The following GAP43 variants were observed in gnomAD, a reference collection of about 807,000 sequenced individuals.
GAP43 encodes the protein neuromodulin.
Under a neutral mutation model 18.6 loss-of-function variants are expected in GAP43, and 6 were observed. The observed-to-expected ratio is 0.32, with a 90% CI of 0.18 to 0.64. GAP43 has a LOEUF of 0.64. Among genes scored for constraint, GAP43 ranks in the 30% least tolerant of loss-of-function variants. The probability of loss-of-function intolerance (pLI) is 0.78; values close to 1 mark genes in which losing one functional copy is unlikely to be tolerated. For synonymous variants in GAP43, 115 were observed against 111.4 expected (o/e 1.03, Z -0.20); for missense variants, 292 against 295.5 (o/e 0.99, Z 0.09).
At chr3:115,636,780 C>G (rs551527733) in intron 1 of GAP43, among the ~76,000 whole-genome samples, 2 of 152,178 alleles carry the variant, frequency 1.3e-5, no homozygotes, top group African/African-American at 4.8e-5. Context: ...CTTGTCTTAT[C>G]TCCTAGTGGC....
At chr3:115,645,206 A>T (rs1209974571) in intron 1 of GAP43, among the ~76,000 whole-genome samples, 1 of 152,010 alleles carries the variant, frequency 6.6e-6, no homozygotes, top group Non-Finnish European at 1.5e-5. Context: ...TATGAATCAG[A>T]TATGTCTATT....
At chr3:115,688,202 G>T (rs1346401613) in intron 2 of GAP43, among the ~76,000 whole-genome samples, 1 of 151,998 alleles carries the variant, frequency 6.6e-6, no homozygotes, top group Non-Finnish European at 1.5e-5. Flanking sequence ...ATTTTTGGTA[G>T]AGATGAGGTT....
At chr3:115,633,836 A>T (rs1708294998) in intron 1 of GAP43, among the ~76,000 whole-genome samples, 1 of 152,190 alleles carries the variant, frequency 6.6e-6, no homozygotes, top group African/African-American at 2.4e-5. Flanking sequence ...AGGTTGTAAG[A>T]TCTAGTTCCT....
In GAP43 at chr3:115,629,540, G is replaced by C. The variant is rs550608957; in HGVS notation, c.30+5821G>C. On this transcript the variant is annotated intron_variant, in intron 1 of 2. Transcript: ENST00000305124. ...ATTCCCACTTTCCCTGCAAGAGTTA[G>C]CTCTTTGAAGCCATTCTTAACCTTC... Among the ~76,000 whole-genome samples, 67 of 151,928 alleles carry C rather than the reference G, an allele frequency of 4.4e-4. 1 individual carries two copies. In the South Asian group the frequency reaches 0.013, roughly 30 times the overall value.
intron 2 of GAP43, among the ~76,000 whole-genome samples, chr3:115,693,521 G>A (rs1025564130): frequency 1.3e-5 from 2 of 152,048 alleles, no homozygotes; most frequent in African/African-American, 4.8e-5. Flanking sequence ...TTTTAACGGT[G>A]AGGAAAGCAC....
rs187423078 is a variant in GAP43, at chr3:115,686,652, A to G, written c.628+10042A>G. On this transcript the variant is annotated intron_variant, in intron 2 of 2. Coordinates refer to ENST00000305124, the MANE Select transcript of GAP43 (RefSeq NM_002045.4). ...CTCAAATCTTGGAACCCAAAATACT[A>G]AATTTTAGAATTTTCTTAAAACCTC... is the stretch of plus-strand genomic sequence containing the variant. Among the ~76,000 whole-genome samples, 18 of 152,330 alleles carry G rather than the reference A, an allele frequency of 1.2e-4. No individual in the cohort carries two copies. In the East Asian group the frequency reaches 3.5e-3, roughly 29 times the overall value.
rs1000859271 is a variant in GAP43, at chr3:115,644,861, G to C, written c.30+21142G>C. On this transcript the variant is annotated intron_variant, in intron 1 of 2. Transcript: ENST00000305124. The surrounding 1 kb of genome is among the most constrained non-coding windows in gnomAD (Gnocchi z 4.2). The stretch of plus-strand genomic sequence containing the variant: ...AATGCCCCTGGCATTCTCAAAGCTG[G>C]ATCATCAGAGGTTTCATTTCGGATA... Among the ~76,000 whole-genome samples the C allele has an allele frequency of 1.3e-4, 20 of 152,142 alleles. No individual in the cohort carries two copies. Among genetic ancestry groups the C allele is most frequent in the African/African-American group, 4.6e-4 (19 of 41,540 alleles).
At chr3:115,647,807 C>T (rs1343791420) in intron 1 of GAP43, among the ~76,000 whole-genome samples, 1 of 150,748 alleles carries the variant, frequency 6.6e-6, no homozygotes, top group Admixed American at 6.6e-5. Context: ...CCATTAGCAG[C>T]TTTTGGCTAG....
chr3:115,661,002 T>A (rs960200465), intron 1 of GAP43, among the ~76,000 whole-genome samples: 177 of 152,324 alleles, frequency 1.2e-3, no homozygotes, highest in African/African-American at 4.0e-3. Context: ...TTAGAAATAG[T>A]CCCTAGAGAC....
At position 115,676,245 on chromosome 3, in the gene GAP43, C is replaced by T; in HGVS notation, c.263C>T (p.Ala88Val). Reference protein sequence around the residue: ...VEKKGEGTTTAEAAPATGSKP... With the variant: ...VEKKGEGTTTVEAAPATGSKP... ...AAGAAGGGAGAAGGCACCACTACTG[C>T]CGAAGCAGCCCCAGCCACTGGCTCC... The change falls in exon 2 of 3, where the codon GCC (alanine) becomes GTC (valine). Residue 88 changes from alanine (A) to valine (V), a missense_variant. Ala to Val is a moderately conservative substitution (Grantham distance 64). Transcript: ENST00000305124. 2 of 1,614,154 alleles carry T rather than the reference C, an allele frequency of 1.2e-6. No homozygotes were observed. Among genetic ancestry groups the T allele is most frequent in the South Asian group, 1.1e-5 (1 of 91,078 alleles).
At chr3:115,672,297 G>C (rs537486927) in intron 1 of GAP43, among the ~76,000 whole-genome samples, 1 of 152,068 alleles carries the variant, frequency 6.6e-6, no homozygotes, top group African/African-American at 2.4e-5. Flanking sequence ...TGAGTAGTCT[G>C]GTTTCTCTGG....
rs374448930 is a variant in GAP43 at position 115,690,947 on chromosome 3, G to A, written c.628+14337G>A. On this transcript the variant is annotated intron_variant, in intron 2 of 2. Transcript: ENST00000305124. Reference sequence around the variant, plus strand: ...ACTTTTTGTATTTTTAGTAGAGATGGGGTTTCACCATGTTAGCTAGGATGG... The same window carrying A: ...ACTTTTTGTATTTTTAGTAGAGATGAGGTTTCACCATGTTAGCTAGGATGG... Among the ~76,000 whole-genome samples, 557 of 151,812 alleles carry A rather than the reference G, an allele frequency of 3.7e-3. 6 individuals are homozygous for A. The highest frequency in any genetic ancestry group is 0.013 in the African/African-American group (538 of 41,382).
intron 1 of GAP43, among the ~76,000 whole-genome samples, chr3:115,625,106 G>A (rs1708170262): frequency 6.6e-6 from 1 of 152,012 alleles, no homozygotes; most frequent in Admixed American, 6.6e-5. Context: ...TTTAGCCAGC[G>A]CCCTGGAAGG....
chr3:115,624,608 T>C (rs544101336), intron 1 of GAP43, among the ~76,000 whole-genome samples: 1 of 152,180 alleles, frequency 6.6e-6, no homozygotes, highest in African/African-American at 2.4e-5. Flanking sequence ...GAGGGACACA[T>C]CCAAGATTAG....
At chr3:115,669,922 T>C (rs145124488) in intron 1 of GAP43, among the ~76,000 whole-genome samples, 1,755 of 151,858 alleles carry the variant, frequency 0.012, 40 homozygotes, top group African/African-American at 0.041. Flanking sequence ...AGACTGCATG[T>C]TGGGGGATCC....
In GAP43 at chr3:115,695,798, A is replaced by T. The variant is rs1709180929; in HGVS notation, c.628+19188A>T. Among the ~76,000 whole-genome samples the T allele has an allele frequency of 2.6e-5, 4 of 152,294 alleles. No homozygotes were observed. The South Asian group carries it at 8.3e-4, about 32-fold the overall frequency. On this transcript the variant is annotated intron_variant, in intron 2 of 2. Transcript: ENST00000305124. Reference sequence around the variant, plus strand: ...ACTCACAAACGACCTCCACATCGCCAAAACCCAATGGCCAATTCTAAGGCC... The same window carrying T: ...ACTCACAAACGACCTCCACATCGCCTAAACCCAATGGCCAATTCTAAGGCC...
chr3:115,688,520 C>T (rs1024817687), intron 2 of GAP43, among the ~76,000 whole-genome samples: 10 of 152,220 alleles, frequency 6.6e-5, no homozygotes, highest in East Asian at 5.8e-4. Context: ...GGTTAAAGGC[C>T]GAAATCAGTC....
chr3:115,699,545 C>T (rs1193722225), intron 2 of GAP43, among the ~76,000 whole-genome samples: 1 of 152,176 alleles, frequency 6.6e-6, no homozygotes, highest in East Asian at 1.9e-4. Context: ...TCTCTTCCCT[C>T]CTCCTCTTTC....
chr3:115,667,985 T>C (rs1405956773), intron 1 of GAP43, among the ~76,000 whole-genome samples: 1 of 152,174 alleles, frequency 6.6e-6, no homozygotes, highest in Non-Finnish European at 1.5e-5. Context: ...GAGCATGTCA[T>C]TTCTTGAGGG....
Sources: gnomAD v4.1 joint callset for allele counts (sites outside exome capture counted in the v4.1 genomes callset) on GRCh38, gnomAD v4.1.1 for gene constraint, Gnocchi (gnomAD v3.1) non-coding constraint, MANE v1.5 for transcripts, NCBI Gene and HGNC (gene_info 2026-07-23, HGNC 2026-07-21) for gene names.